KLHL12: variants seen among roughly 807,000 people sequenced by gnomAD.
KLHL12 encodes kelch-like protein 12.
Under a neutral mutation model 60.8 loss-of-function variants are expected in KLHL12, and 17 were observed. The observed-to-expected ratio is 0.28, with a 90% CI of 0.19 to 0.42. The LOEUF (loss-of-function observed/expected upper bound fraction) is 0.42, where lower values mean the gene tolerates loss of function less well. Among genes scored for constraint, KLHL12 ranks in the 10% least tolerant of loss-of-function variants. KLHL12 has a pLI of 1.00. For synonymous variants in KLHL12, 220 were observed against 250.9 expected (o/e 0.88, Z 1.16); for missense variants, 468 against 722.3 (o/e 0.65, Z 4.04).
At chr1:202,906,850 T>C (rs971306351) in intron 6 of KLHL12, among the ~76,000 whole-genome samples, 12 of 152,146 alleles carry the variant, frequency 7.9e-5, no homozygotes, top group African/African-American at 2.9e-4. Flanking sequence ...TTAGTAGACA[T>C]GGGGTTTCAC....
In KLHL12 at chr1:202,915,592, A is replaced by G. The variant is rs769548541; in HGVS notation, c.567+2579T>C. 5.9e-5 allele frequency among the ~76,000 whole-genome samples: 9 copies of G among 152,368 alleles called. 1 individual carries two copies. The highest frequency in any genetic ancestry group is 6.5e-5 in the Admixed American group (1 of 15,306). ...ATTCCAAAGCCTGTATAGTTCCAAA[A>G]GAAATGACTTCTATGATTATTTCCT... On this transcript the variant is annotated intron_variant, in intron 4 of 11. Transcript: ENST00000367261.
At chr1:202,904,000 CTATCTATCTATCTATT>C (rs1474789753) in intron 6 of KLHL12, among the ~76,000 whole-genome samples, 5 of 151,514 alleles carry the variant, frequency 3.3e-5, no homozygotes, top group Admixed American at 2.6e-4. Flanking sequence ...ATGTATCTAT[CTATCTATCTATCTATT>C]TATCTATCTA....
intron 4 of KLHL12, chr1:202,915,036 C>T (rs1035826085): frequency 2.6e-5 from 4 of 152,092 alleles, no homozygotes; most frequent in Non-Finnish European, 5.9e-5. Flanking sequence ...AGAAAAACAG[C>T]TAACAGGGAA....
At chr1:202,928,480 C>T (rs1401154709), upstream of KLHL12, 20 of 1,301,064 alleles carry the variant, frequency 1.5e-5, no homozygotes, top group East Asian at 5.6e-5. Context: ...GTATGTTTTA[C>T]CTTCCAGGTA....
Position 202,893,251 on chromosome 1 carries a change from T to A in KLHL12, c.1568A>T (p.Tyr523Phe). The part of the protein sequence containing the change: ...VGATVLRGRL[Y>F]AIAGYDGNSL... ...TCTAAATCCTCACCCTGCAATTGCATAGAGTCTCCCCCGAAGCACTGTGGC... is the reference window on the plus strand; with the variant it reads ...TCTAAATCCTCACCCTGCAATTGCAAAGAGTCTCCCCCGAAGCACTGTGGC... The change falls in exon 11 of 12, where the codon TAT becomes TTT. Residue 523 changes from tyrosine (Y) to phenylalanine (F), a missense_variant. Tyr to Phe is a conservative substitution (Grantham distance 22). This residue lies in a region of KLHL12 where 68 missense variants were observed against 119.8 expected (regional missense o/e 0.57). Transcript: ENST00000367261. This position sits in a 1 kb window ranked among gnomAD's most constrained non-coding sequence, Gnocchi z 4.1. 1.2e-6 allele frequency: 2 copies of A among 1,604,782 alleles called. No homozygotes were observed. Among genetic ancestry groups the A allele is most frequent in the Non-Finnish European group, 1.7e-6 (2 of 1,176,420 alleles).
chr1:202,905,168 T>G (rs971484641), intron 6 of KLHL12, among the ~76,000 whole-genome samples: 6 of 152,196 alleles, frequency 3.9e-5, no homozygotes, highest in Non-Finnish European at 8.8e-5. Context: ...GATATATAGA[T>G]TTATAGTTTA....
chr1:202,903,629 CT>C lies in KLHL12; in HGVS notation c.832+5380del, dbSNP rs1220119536. On this transcript the variant is annotated intron_variant, in intron 6 of 11. Transcript: ENST00000367261. ...CTGGGACCACTAATTTTTTTCTTTT[CT>C]TTTTTTTTTTGAAACGGCGTCTTGC... Among the ~76,000 whole-genome samples, 535 of 76,072 alleles carry C rather than the reference CT, an allele frequency of 7.0e-3. 24 individuals are homozygous for C. The highest frequency in any genetic ancestry group is 0.023 in the African/African-American group (507 of 22,370). 49.9% of individuals were successfully genotyped at this position (76,072 alleles called of 152,430 possible).
intron 11 of KLHL12, among the ~76,000 whole-genome samples, 165 bp from the exon 12 acceptor site, chr1:202,892,824 TAAAG>T (rs1215304509): frequency 3.3e-5 from 5 of 152,074 alleles, no homozygotes; most frequent in South Asian, 2.1e-4. Flanking sequence ...CAATAAAATT[TAAAG>T]AAAGAAAGAA....
intron 4 of KLHL12, chr1:202,912,735 G>C: frequency 1.4e-6 from 2 of 1,392,396 alleles, no homozygotes; most frequent in Non-Finnish European, 2.0e-6. Context: ...ATTTTAATTA[G>C]GAAACAAAGC....
chr1:202,899,788 A>C (rs1028340982), intron 6 of KLHL12, among the ~76,000 whole-genome samples: 6 of 150,674 alleles, frequency 4.0e-5, no homozygotes, highest in Non-Finnish European at 8.8e-5. Flanking sequence ...GCACCACTGC[A>C]CTCCAGACTA....
At position 202,893,418 on chromosome 1, in the gene KLHL12, T is replaced by C. The variant is rs1325355873; in HGVS notation, c.1401A>G (p.Gly467=). 1 of 1,611,190 alleles carries C rather than the reference T, an allele frequency of 6.2e-7. No homozygotes were observed. Among genetic ancestry groups the C allele is most frequent in the Non-Finnish European group, 8.5e-7 (1 of 1,178,546 alleles). Residue 467 remains glycine, a synonymous_variant, in exon 11 of 12, where the codon GGA becomes GGG. Coordinates refer to ENST00000367261, the MANE Select transcript of KLHL12 (RefSeq NM_021633.4). The surrounding 1 kb of genome is among the most constrained non-coding windows in gnomAD (Gnocchi z 4.1). ...TPMATKRSGA[G]VALLNDHIYV... ...AAATATGGTCATTCAGCAGGGCTAC[T>C]CCTGCACCTGGGGAAAATGAATGCA...
At chr1:202,923,860 T>TA (rs377347301) in intron 2 of KLHL12, among the ~76,000 whole-genome samples, 3,945 of 79,002 alleles carry the variant, frequency 0.05, 172 homozygotes, top group African/African-American at 0.14. Flanking sequence ...TAGAACTAAC[T>TA]AAAAAAAAAA....
At chr1:202,928,405 C>T (rs997824655), upstream of KLHL12, 14 of 861,612 alleles carry the variant, frequency 1.6e-5, no homozygotes, top group Non-Finnish European at 2.2e-5. Context: ...CTCCCTACCG[C>T]TCACTAGGCA....
intron 2 of KLHL12, among the ~76,000 whole-genome samples, chr1:202,921,774 A>G (rs1466165656): frequency 6.6e-6 from 1 of 152,226 alleles, no homozygotes; most frequent in Non-Finnish European, 1.5e-5. Context: ...TCTTAATCTT[A>G]GTTTAGAAAT....
intron 2 of KLHL12, among the ~76,000 whole-genome samples, chr1:202,920,142 C>T (rs1045526533): frequency 5.9e-5 from 9 of 151,800 alleles, no homozygotes; most frequent in Non-Finnish European, 8.8e-5. Context: ...AGTGAAACCC[C>T]GTCTCCACTA....
At chr1:202,912,494 G>T in intron 4 of KLHL12, 1 of 944,988 alleles carries the variant, frequency 1.1e-6, no homozygotes, top group Non-Finnish European at 1.7e-6. Context: ...CAGTGAGGAT[G>T]GCGATAATGG....
At chr1:202,897,010 G>C in intron 6 of KLHL12, 50 bp from the exon 7 acceptor site, 1 of 1,347,772 alleles carries the variant, frequency 7.4e-7, no homozygotes, top group East Asian at 2.3e-5. Flanking sequence ...TCCCTGGATG[G>C]GTAACTAGTC....
rs12074142 is a variant in KLHL12 at position 202,913,324 on chromosome 1, C to T, written c.568-2121G>A. ...AGAGGTCCTGTGCCCCTTCTACCAG[C>T]CCCTACAGAGTACATATTCTGGGAG... On this transcript the variant is annotated intron_variant, in intron 4 of 11. Transcript: ENST00000367261. 1.9e-3 allele frequency among the ~76,000 whole-genome samples: 294 copies of T among 152,278 alleles called. 1 individual carries two copies. Among genetic ancestry groups the T allele is most frequent in the African/African-American group, 6.8e-3 (281 of 41,560 alleles).
intron 4 of KLHL12, chr1:202,912,187 T>C: frequency 1.1e-6 from 1 of 928,328 alleles, no homozygotes; most frequent in Non-Finnish European, 1.8e-6. Context: ...AAGAGATAAT[T>C]TGAACAGTTT....
Sources: allele counts gnomAD v4.1 joint callset (sites outside exome capture counted in the v4.1 genomes callset), GRCh38; gene constraint gnomAD v4.1.1; regional missense constraint gnomAD v4.1.1; non-coding constraint Gnocchi (gnomAD v3.1); transcripts MANE v1.5; gene names NCBI Gene and HGNC (gene_info 2026-07-23, HGNC 2026-07-21).